The following ZNF562 variants were observed in gnomAD, a reference collection of about 807,000 sequenced individuals.
The protein encoded by ZNF562 is zinc finger protein 562.
A neutral mutation model predicts 17.5 loss-of-function variants in ZNF562; 13 were observed. The observed-to-expected ratio is 0.74, with a 90% CI of 0.48 to 1.18. The LOEUF is 1.18. Ranked by LOEUF, ZNF562 falls within the 50% of genes most tolerant of loss-of-function variation. The pLI, the probability that ZNF562 is intolerant of heterozygous loss-of-function variation, is 0.00. For synonymous variants in ZNF562, 163 were observed against 165.4 expected (o/e 0.99, Z 0.11); for missense variants, 481 against 498.5 (o/e 0.96, Z 0.33).
At chr19:9,671,791 C>T (rs141416201) in intron 1 of ZNF562, among the ~76,000 whole-genome samples, 245 of 152,356 alleles carry the variant, frequency 1.6e-3, no homozygotes, top group African/African-American at 5.7e-3. Context: ...CAGAGTCAAT[C>T]CATGCCCTCT....
At position 9,651,328 on chromosome 19, in the gene ZNF562, T is replaced by C. The variant is rs1294619683; in HGVS notation, c.*1621A>G. The C allele has an allele frequency of 6.6e-6, 1 of 152,172 alleles. No individual in the cohort carries two copies. Among genetic ancestry groups the C allele is most frequent in the Non-Finnish European group, 1.5e-5 (1 of 68,050 alleles). The allele number at this position is 152,172 out of a possible 1,614,324, so 9.4% of individuals were successfully genotyped here. A position where few individuals can be genotyped will look rare whatever the true frequency, so the allele number is the denominator to read the frequency against. On this transcript the variant is annotated 3_prime_UTR_variant, in exon 6 of 6. Coordinates refer to ENST00000453372, the MANE Select transcript of ZNF562 (RefSeq NM_001130031.2). ...ACTTGGCAGAACTGTATTCTAGCATTTTACGGAAGGTAGAGCTTGAGACAG... is the reference window on the plus strand; with the variant it reads ...ACTTGGCAGAACTGTATTCTAGCATCTTACGGAAGGTAGAGCTTGAGACAG...
rs920106925 is a variant in ZNF562, at chr19:9,669,541, A to G, written c.-131+5474T>C. Among the ~76,000 whole-genome samples the G allele has an allele frequency of 4.6e-5, 7 of 152,130 alleles. No individual in the cohort carries two copies. In the East Asian group the frequency reaches 1.4e-3, roughly 29 times the overall value. On this transcript the variant is annotated intron_variant, in intron 1 of 5. Transcript: ENST00000453372. The stretch of plus-strand genomic sequence containing the variant: ...ATTAGTACAGCCACTGTAGAGAACA[A>G]TATTCAGGTGTGGTGGCTCAGGCCT...
intron 1 of ZNF562, among the ~76,000 whole-genome samples, chr19:9,670,907 G>T (rs1206992179): frequency 6.6e-6 from 1 of 151,082 alleles, no homozygotes; most frequent in East Asian, 1.9e-4. Context: ...TGAGGCAGGA[G>T]AATCACTTGA....
At chr19:9,672,040 T>C (rs181897473) in intron 1 of ZNF562, among the ~76,000 whole-genome samples, 420 of 152,300 alleles carry the variant, frequency 2.8e-3, no homozygotes, top group African/African-American at 9.9e-3. Flanking sequence ...TAAAGGAATA[T>C]TTACACACAC....
chr19:9,669,717 A>AGCGCGC lies in ZNF562; in HGVS notation c.-131+5292_-131+5297dup, dbSNP rs3074896. ...AGACCTGTCTGCATGCACGCGCGCG[A>AGCGCGC]GCGCGCGCGCGCGCGCGCACACACA... On this transcript the variant is annotated intron_variant, in intron 1 of 5. Coordinates refer to ENST00000453372, the MANE Select transcript of ZNF562 (RefSeq NM_001130031.2). Among the ~76,000 whole-genome samples, 76 of 98,986 alleles carry AGCGCGC rather than the reference A, an allele frequency of 7.7e-4. 1 individual carries two copies. Among genetic ancestry groups the AGCGCGC allele is most frequent in the South Asian group, 1.8e-3 (5 of 2,828 alleles). The allele number at this position is 98,986 out of a possible 152,430, so 64.9% of individuals were successfully genotyped here. A position where few individuals can be genotyped will look rare whatever the true frequency, so the allele number is the denominator to read the frequency against.
In ZNF562 at chr19:9,646,646, A is replaced by G. The variant is rs1306477606; in HGVS notation, c.*6303T>C. 2 of 152,230 alleles carry G rather than the reference A, an allele frequency of 1.3e-5. No homozygotes were observed. The highest frequency in any genetic ancestry group is 2.9e-5 in the Non-Finnish European group (2 of 68,038). 9.4% of individuals were successfully genotyped at this position (152,230 alleles called of 1,614,324 possible). A position where few individuals can be genotyped will look rare whatever the true frequency, so the allele number is the denominator to read the frequency against. On this transcript the variant is annotated 3_prime_UTR_variant, in exon 6 of 6. Transcript: ENST00000453372. ...ATAAGTTATTCCAGAATGCAAAAGG[A>G]GACTGAAGTTATACAACCAGCAAAA...
rs1319726919 is a variant in ZNF562, at chr19:9,645,404, TGAA to T, written c.*7542_*7544del. 1 of 152,228 alleles carries T rather than the reference TGAA, an allele frequency of 6.6e-6. No individual in the cohort carries two copies. The highest frequency in any genetic ancestry group is 1.9e-4 in the East Asian group (1 of 5,202). The allele number at this position is 152,228 out of a possible 1,614,324, so 9.4% of individuals were successfully genotyped here. A position where few individuals can be genotyped will look rare whatever the true frequency, so the allele number is the denominator to read the frequency against. On this transcript the variant is annotated 3_prime_UTR_variant, in exon 6 of 6. Coordinates refer to ENST00000453372, the MANE Select transcript of ZNF562 (RefSeq NM_001130031.2). ...TTCTGGAGGATTTCCCAGTGGGTCC[TGAA>T]GAACCACAGTTTATTGGCTTGTGGG... is the stretch of plus-strand genomic sequence containing the variant.
intron 1 of ZNF562, among the ~76,000 whole-genome samples, chr19:9,666,340 A>AC: frequency 6.6e-6 from 1 of 152,090 alleles, no homozygotes; most frequent in East Asian, 1.9e-4. Context: ...AAAAAAAAAA[A>AC]AATTACACAA....
At chr19:9,656,902 C>T (rs1462034950) in intron 4 of ZNF562, among the ~76,000 whole-genome samples, 9 of 146,470 alleles carry the variant, frequency 6.1e-5, no homozygotes, top group South Asian at 2.1e-4. Flanking sequence ...TAGCCGGGCG[C>T]GTTGGCATGT....
In ZNF562 at chr19:9,652,853, G is replaced by T; in HGVS notation, c.*96C>A. 8.3e-7 allele frequency: 1 copy of T among 1,201,748 alleles called. No homozygotes were observed. Among genetic ancestry groups the T allele is most frequent in the Non-Finnish European group, 1.1e-6 (1 of 882,224 alleles). The allele number at this position is 1,201,748 out of a possible 1,614,324, so 74.4% of individuals were successfully genotyped here. On this transcript the variant is annotated 3_prime_UTR_variant, in exon 6 of 6. Coordinates refer to ENST00000453372, the MANE Select transcript of ZNF562 (RefSeq NM_001130031.2). ...ACTTAGGCATGAGGAAAGAGCAAATGCTTTCCCAAATTCTTTACATACAAA... is the reference window on the plus strand; with the variant it reads ...ACTTAGGCATGAGGAAAGAGCAAATTCTTTCCCAAATTCTTTACATACAAA...
intron 2 of ZNF562, 102 bp downstream of exon 2, chr19:9,660,618 A>T (rs1416265553): frequency 8.0e-7 from 1 of 1,252,470 alleles, no homozygotes; most frequent in Non-Finnish European, 1.1e-6. Context: ...AAGAAAAAAA[A>T]AAAAAGCAGC....
chr19:9,669,668 C>T (rs1338075038), intron 1 of ZNF562, among the ~76,000 whole-genome samples: 1 of 150,634 alleles, frequency 6.6e-6, no homozygotes, highest in Non-Finnish European at 1.5e-5. Flanking sequence ...CACATGCACG[C>T]ACAAAACCTG....
At chr19:9,660,455 G>A (rs10405425) in intron 2 of ZNF562, among the ~76,000 whole-genome samples, 18,986 of 151,540 alleles carry the variant, frequency 0.13, 1,418 homozygotes, top group Admixed American at 0.23. Context: ...GGAGAAACCC[G>A]TCTCCACTAA....
intron 1 of ZNF562, among the ~76,000 whole-genome samples, chr19:9,668,115 A>G (rs1409729995): frequency 6.6e-6 from 1 of 152,136 alleles, no homozygotes; most frequent in African/African-American, 2.4e-5. Flanking sequence ...ATGACTCACA[A>G]TTGTAATCCC....
At chr19:9,666,206 C>G (rs1599310306) in intron 1 of ZNF562, among the ~76,000 whole-genome samples, 2 of 151,860 alleles carry the variant, frequency 1.3e-5, no homozygotes. Context: ...TGCCTGTAAT[C>G]CCACTACTCG....
chr19:9,673,790 G>C (rs1213064282), intron 1 of ZNF562, among the ~76,000 whole-genome samples: 1 of 152,044 alleles, frequency 6.6e-6, no homozygotes, highest in Non-Finnish European at 1.5e-5. Flanking sequence ...TGGATCACTT[G>C]AGGTCAGGAG....
intron 3 of ZNF562, 54 bp downstream of exon 3, chr19:9,659,325 C>G: frequency 6.9e-7 from 1 of 1,447,890 alleles, no homozygotes; most frequent in Non-Finnish European, 9.5e-7. Flanking sequence ...GGAAATGTGT[C>G]TACCTATTGG....
rs1183882686 is a variant in ZNF562, at chr19:9,646,492, CAG to C, written c.*6455_*6456del. 1.3e-5 allele frequency: 2 copies of C among 152,138 alleles called. No individual in the cohort carries two copies. The highest frequency in any genetic ancestry group is 3.9e-4 in the East Asian group (2 of 5,170). The allele number at this position is 152,138 out of a possible 1,614,324, so 9.4% of individuals were successfully genotyped here. A position where few individuals can be genotyped will look rare whatever the true frequency, so the allele number is the denominator to read the frequency against. ...CTGATGTAACTATATAAATATCTAA[CAG>C]AATTAGTGGAACAGAAAACATGCAA... On this transcript the variant is annotated 3_prime_UTR_variant, in exon 6 of 6. Coordinates refer to ENST00000453372, the MANE Select transcript of ZNF562 (RefSeq NM_001130031.2).
Position 9,647,774 on chromosome 19 carries a change from C to T in ZNF562, c.*5175G>A, listed in dbSNP as rs1445936836. Reference sequence around the variant, plus strand: ...GCTGAGGCAGGAGAACCACTGGAACCCAGGAGGTGGAATTTGCAGTAAGTT... The same window carrying T: ...GCTGAGGCAGGAGAACCACTGGAACTCAGGAGGTGGAATTTGCAGTAAGTT... On this transcript the variant is annotated 3_prime_UTR_variant, in exon 6 of 6. Transcript: ENST00000453372. 1 of 152,100 alleles carries T rather than the reference C, an allele frequency of 6.6e-6. No individual in the cohort carries two copies. Among genetic ancestry groups the T allele is most frequent in the Non-Finnish European group, 1.5e-5 (1 of 68,046 alleles). 9.4% of individuals were successfully genotyped at this position (152,100 alleles called of 1,614,324 possible). A position where few individuals can be genotyped will look rare whatever the true frequency, so the allele number is the denominator to read the frequency against.
Sources: gnomAD v4.1 joint callset for allele counts (sites outside exome capture counted in the v4.1 genomes callset) on GRCh38, gnomAD v4.1.1 for gene constraint, MANE v1.5 for transcripts, NCBI Gene and HGNC (gene_info 2026-07-23, HGNC 2026-07-21) for gene names.